The following CAPN14 variants were observed in gnomAD, a reference collection of about 807,000 sequenced individuals.
The protein encoded by CAPN14 is calpain-14.
In CAPN14, 94 loss-of-function variants were observed where a neutral mutation model predicts 101.3. The ratio of observed to expected loss-of-function variants is 0.93; its 90% confidence interval spans 0.79 to 1.10. CAPN14 has a LOEUF of 1.10. Among genes scored for constraint, CAPN14 ranks in the 50% least tolerant of loss-of-function variants. The pLI, the probability that CAPN14 is intolerant of heterozygous loss-of-function variation, is 0.00. For missense variants in CAPN14, 837 were observed against 828.4 expected (o/e 1.01, Z -0.13); for synonymous variants, 338 against 317.9 (o/e 1.06, Z -0.67).
upstream of CAPN14, among the ~76,000 whole-genome samples, chr2:31,218,523 T>G (rs552467537): frequency 2.0e-5 from 3 of 152,344 alleles, no homozygotes; most frequent in East Asian, 1.9e-4. Flanking sequence ...CCACCCATTT[T>G]ATTAGTACTG....
intron 2 of CAPN14, among the ~76,000 whole-genome samples, chr2:31,224,713 A>G (rs541755221): frequency 4.8e-4 from 73 of 152,094 alleles, no homozygotes; most frequent in Non-Finnish European, 9.3e-4. Context: ...GTTTAAATTA[A>G]TGGGATTCCT....
At position 31,173,622 on chromosome 2, in the gene CAPN14, T is replaced by C. The variant is rs1215587049; in HGVS notation, c.*1059A>G. The C allele has an allele frequency of 6.6e-6, 1 of 152,206 alleles. No individual in the cohort carries two copies. Among genetic ancestry groups the C allele is most frequent in the African/African-American group, 2.4e-5 (1 of 41,442 alleles). The allele number at this position is 152,206 out of a possible 1,614,324, so 9.4% of individuals were successfully genotyped here. A position where few individuals can be genotyped will look rare whatever the true frequency, so the allele number is the denominator to read the frequency against. On this transcript the variant is annotated 3_prime_UTR_variant, in exon 22 of 22. Transcript: ENST00000403897. The stretch of plus-strand genomic sequence containing the variant: ...AAAATCCAAAATGCCCCTATTTCCT[T>C]TGAGTTTCATGTCTACTCTCAGAAA...
chr2:31,200,487 G>A lies in CAPN14; in HGVS notation c.690C>T (p.Tyr230=), dbSNP rs1681698138. 1.3e-6 allele frequency: 2 copies of A among 1,550,838 alleles called. No individual in the cohort carries two copies. Among genetic ancestry groups the A allele is most frequent in the Admixed American group, 3.9e-5 (2 of 50,972 alleles). ...NLWDILIEAT[Y]NRTLIGCQTH... is the part of the protein sequence containing the mutation. ...TCTGGCAGCCAATGAGGGTTCTGTT[G>A]TAGGTGGCTTCGATGAGGATGTCCC... Residue 230 remains tyrosine (Y), a synonymous_variant, in exon 6 of 22, where the codon TAC becomes TAT. Transcript: ENST00000403897.
In CAPN14 at chr2:31,202,207, T is replaced by C. The variant is rs749986403; in HGVS notation, c.341A>G (p.Gln114Arg). 1.7e-5 allele frequency: 26 copies of C among 1,551,670 alleles called. 1 individual carries two copies. Among genetic ancestry groups the C allele is most frequent in the Middle Eastern group, 1.7e-4 (1 of 6,014 alleles). The change falls in exon 4 of 22, where the codon CAG (glutamine) becomes CGG (arginine). Residue 114 changes from glutamine (Q) to arginine (R), a missense_variant. Physicochemically the swap from Gln to Arg is conservative, Grantham distance 43. Coordinates refer to ENST00000403897, the MANE Select transcript of CAPN14 (RefSeq NM_001145122.2). ...LAALQALALH[Q>R]DILSRVVPLN... The stretch of plus-strand genomic sequence containing the variant: ...GGGAACAACCCGGCTCAGGATGTCC[T>C]GGTGCAAGGCCAGAGCTTGCAAAGC...
chr2:31,219,015 C>T (rs911472062), upstream of CAPN14, among the ~76,000 whole-genome samples: 3 of 152,086 alleles, frequency 2.0e-5, no homozygotes, highest in African/African-American at 7.2e-5. Context: ...ATCTCCTCAT[C>T]CTGGCCCTTA....
At chr2:31,192,894 T>G (rs1286950928) in intron 10 of CAPN14, among the ~76,000 whole-genome samples, 1 of 152,164 alleles carries the variant, frequency 6.6e-6, no homozygotes, top group Non-Finnish European at 1.5e-5. Context: ...TCTGGGAAGA[T>G]GCAGCCCCAC....
chr2:31,191,979 G>GGCA lies in CAPN14; in HGVS notation c.1231_1233dup (p.Cys411dup). The GGCA allele has an allele frequency of 6.4e-7, 1 of 1,551,544 alleles. No homozygotes were observed. Among genetic ancestry groups the GGCA allele is most frequent in the Non-Finnish European group, 8.7e-7 (1 of 1,146,924 alleles). Reference sequence around the variant, plus strand: ...ATGGCGAGGAGAGGCTTCCGCTTGCGGCACCTGTGCCTGGGCTTCTGGAGC... The same window carrying GGCA: ...ATGGCGAGGAGAGGCTTCCGCTTGCGGCAGCACCTGTGCCTGGGCTTCTGGAGC... On this transcript the variant is annotated inframe_insertion, in exon 11 of 22. Transcript: ENST00000403897.
intron 3 of CAPN14, among the ~76,000 whole-genome samples, chr2:31,202,751 CA>C (rs1681860688): frequency 6.6e-6 from 1 of 152,106 alleles, no homozygotes; most frequent in African/African-American, 2.4e-5. Flanking sequence ...ACTGCTGTCT[CA>C]AGAAGGACCC....
At chr2:31,212,937 A>G (rs181704654) in intron 1 of CAPN14, among the ~76,000 whole-genome samples, 169 of 152,334 alleles carry the variant, frequency 1.1e-3, no homozygotes, top group South Asian at 2.1e-3. Context: ...CTCAGGCAAA[A>G]TTGTAGTAGA....
In CAPN14 at chr2:31,202,156, T is replaced by A. The variant is rs1433817598; in HGVS notation, c.392A>T (p.Tyr131Phe). The stretch of plus-strand genomic sequence containing the variant: ...CACCCAGAACCGGAAGATGCCAGCA[T>A]ACTTCTCAGTGAAACTCTGATTCAG... The part of the protein sequence containing the change: ...VPLNQSFTEK[Y>F]AGIFRFWFWH... The change falls in exon 4 of 22, where the codon TAT becomes TTT. Residue 131 changes from tyrosine to phenylalanine, a missense_variant. Transcript: ENST00000403897. 1.9e-6 allele frequency: 3 copies of A among 1,551,714 alleles called. No individual in the cohort carries two copies. The highest frequency in any genetic ancestry group is 2.6e-6 in the Non-Finnish European group (3 of 1,146,976).
intron 1 of CAPN14, among the ~76,000 whole-genome samples, chr2:31,215,335 C>G (rs1266186412): frequency 9.9e-5 from 15 of 151,502 alleles, no homozygotes; most frequent in Non-Finnish European, 1.8e-4. Flanking sequence ...GATGAGCGGT[C>G]AGACTGAGGT....
intron 7 of CAPN14, among the ~76,000 whole-genome samples, chr2:31,199,000 A>G (rs1214921811): frequency 6.6e-6 from 1 of 152,190 alleles, no homozygotes. Flanking sequence ...CCTCATTTTC[A>G]GATATGGTTT....
At position 31,189,334 on chromosome 2, in the gene CAPN14, A is replaced by G; in HGVS notation, c.1432T>C (p.Leu478=). The part of the protein sequence containing the change: ...PGTYLIVPCI[L]EAHQKSEFVL... The stretch of plus-strand genomic sequence containing the variant: ...AACTCTGACTTCTGGTGGGCCTCCA[A>G]TATGCAGGGCACGATGAGGTACGTC... The change falls in exon 13 of 22, where the codon TTG becomes CTG. Residue 478 remains leucine, a synonymous_variant. Coordinates refer to ENST00000403897, the MANE Select transcript of CAPN14 (RefSeq NM_001145122.2). 6.4e-7 allele frequency: 1 copy of G among 1,551,738 alleles called. No individual in the cohort carries two copies. The highest frequency in any genetic ancestry group is 8.7e-7 in the Non-Finnish European group (1 of 1,147,010).
At chr2:31,188,463 C>T in intron 13 of CAPN14, 109 bp from the exon 14 acceptor site, 1 of 877,110 alleles carries the variant, frequency 1.1e-6, no homozygotes. Flanking sequence ...ACTGAGGCAC[C>T]ACAAGGGCCC....
chr2:31,183,564 C>T (rs1190112414), intron 16 of CAPN14, among the ~76,000 whole-genome samples: 4 of 152,038 alleles, frequency 2.6e-5, no homozygotes, highest in Non-Finnish European at 4.4e-5. Context: ...GACATTTATG[C>T]AGCCAAAAAA....
intron 16 of CAPN14, 118 bp from the exon 17 acceptor site, chr2:31,181,118 G>C: frequency 2.7e-6 from 2 of 749,348 alleles, no homozygotes; most frequent in Non-Finnish European, 4.5e-6. Flanking sequence ...ATGTACGTGG[G>C]CTGGGAAGAG....
intron 20 of CAPN14, 68 bp downstream of exon 20, chr2:31,176,958 A>G: frequency 8.6e-7 from 1 of 1,168,054 alleles, no homozygotes; most frequent in Non-Finnish European, 1.2e-6. Flanking sequence ...TGCTTAAACT[A>G]GGGACAGGTG....
At chr2:31,200,676 A>G in intron 5 of CAPN14, 51 bp from the exon 6 acceptor site, 1 of 1,471,688 alleles carries the variant, frequency 6.8e-7, no homozygotes, top group Middle Eastern at 1.8e-4. Flanking sequence ...ATGAGTATTT[A>G]TAATTTTATG....
chr2:31,228,627 G>C (rs1015720310), intron 1 of CAPN14, among the ~76,000 whole-genome samples: 2 of 152,172 alleles, frequency 1.3e-5, no homozygotes, highest in African/African-American at 4.8e-5. Flanking sequence ...TTATTCAATA[G>C]TTTATTAAAC....
Sources: allele counts gnomAD v4.1 joint callset (sites outside exome capture counted in the v4.1 genomes callset), GRCh38; gene constraint gnomAD v4.1.1; transcripts MANE v1.5; gene names NCBI Gene and HGNC (gene_info 2026-07-23, HGNC 2026-07-21).